The following CLTC variants were observed in gnomAD, a reference collection of about 807,000 sequenced individuals.
CLTC encodes clathrin heavy chain 1.
Under a neutral mutation model 195.8 loss-of-function variants are expected in CLTC, and 16 were observed. That is an observed-to-expected ratio of 0.08 (90% CI 0.06 to 0.12). The LOEUF (loss-of-function observed/expected upper bound fraction) is 0.12, where lower values mean the gene tolerates loss of function less well. Ranked by LOEUF, CLTC falls within the 10% of genes least tolerant of loss-of-function variation. The probability of loss-of-function intolerance (pLI) is 1.00; values close to 1 mark genes in which losing one functional copy is unlikely to be tolerated. For missense variants in CLTC, 796 were observed against 2,027.0 expected, an observed-to-expected ratio of 0.39 and a Z score of 11.66; for synonymous variants, 667 against 689.4, an observed-to-expected ratio of 0.97 and a Z score of 0.51.
At chr17:59,632,367 CAAAAAA>C (rs11449653) in intron 1 of CLTC, among the ~76,000 whole-genome samples, 1 of 111,548 alleles carries the variant, frequency 9.0e-6, no homozygotes, top group Non-Finnish European at 1.7e-5. Context: ...GAATCCATCT[CAAAAAA>C]AAAAAAAAAA....
rs755036908 is a variant in CLTC at position 59,693,380 on chromosome 17, TA to T, written c.4904-343del. Among the ~76,000 whole-genome samples the T allele has an allele frequency of 7.0e-3, 739 of 106,150 alleles. 7 individuals carry two copies. Among genetic ancestry groups the T allele is most frequent in the African/African-American group, 0.021 (656 of 31,222 alleles). The allele number at this position is 106,150 out of a possible 152,430, so 69.6% of individuals were successfully genotyped here. Reference sequence around the variant, plus strand: ...AGATTCTTTTTTTTTTTTTTTTTTTTAAAAAGTCTTTTAAAAAATTCTTTTA... The same window carrying T: ...AGATTCTTTTTTTTTTTTTTTTTTTTAAAAGTCTTTTAAAAAATTCTTTTA... On this transcript the variant is annotated intron_variant, in intron 31 of 31. Coordinates refer to ENST00000269122, the MANE Select transcript of CLTC (RefSeq NM_004859.4).
intron 1 of CLTC, among the ~76,000 whole-genome samples, chr17:59,630,587 C>G (rs1037112012): frequency 6.6e-6 from 1 of 152,170 alleles, no homozygotes; most frequent in African/African-American, 2.4e-5. Context: ...TCCCCCTCCT[C>G]CCATCCGCTA....
At chr17:59,643,027 G>A (rs2032082087) in intron 1 of CLTC, among the ~76,000 whole-genome samples, 1 of 152,040 alleles carries the variant, frequency 6.6e-6, no homozygotes, top group Non-Finnish European at 1.5e-5. Context: ...TAGTCCATAA[G>A]ATAATAGTGA....
chr17:59,628,453 C>T (rs546928262), intron 1 of CLTC, among the ~76,000 whole-genome samples: 1 of 152,222 alleles, frequency 6.6e-6, no homozygotes, highest in African/African-American at 2.4e-5. Context: ...TCCCTTTGTC[C>T]ACTTGAGTTG....
chr17:59,639,447 A>T (rs1192059344), intron 1 of CLTC, among the ~76,000 whole-genome samples: 2 of 152,186 alleles, frequency 1.3e-5, no homozygotes, highest in Non-Finnish European at 2.9e-5. Flanking sequence ...AAGTTAAAAA[A>T]AACTTTATCA....
At position 59,681,448 on chromosome 17, in the gene CLTC, G is replaced by A; in HGVS notation, c.3219G>A (p.Arg1073=). 6.2e-7 allele frequency: 1 copy of A among 1,613,986 alleles called. No individual in the cohort carries two copies. The highest frequency in any genetic ancestry group is 8.5e-7 in the Non-Finnish European group (1 of 1,179,960). ...ELFEEAFAIF[R]KFDVNTSAVQ... ...TTGAAGAAGCATTTGCCATTTTCCG[G>A]AAATTTGATGTCAATACTTCAGCAG... Residue 1073 remains arginine, a synonymous_variant, in exon 20 of 32, where the codon CGG becomes CGA. Coordinates refer to ENST00000269122, the MANE Select transcript of CLTC (RefSeq NM_004859.4). This position sits in a 1 kb window ranked among gnomAD's most constrained non-coding sequence, Gnocchi z 5.0.
In CLTC at chr17:59,683,809, T is replaced by G. The variant is rs2033123580; in HGVS notation, c.4323+53T>G. 1 of 1,612,928 alleles carries G rather than the reference T, an allele frequency of 6.2e-7. No individual in the cohort carries two copies. The highest frequency in any genetic ancestry group is 1.1e-5 in the South Asian group (1 of 91,046). On this transcript the variant is annotated intron_variant, in intron 27 of 31. Coordinates refer to ENST00000269122, the MANE Select transcript of CLTC (RefSeq NM_004859.4). This position sits in a 1 kb window ranked among gnomAD's most constrained non-coding sequence, Gnocchi z 6.1. ...TCATAGCAAGGAATTAGGACATACT[T>G]CGATAACTTTTGTCCCTGGGACTTC...
chr17:59,694,130 A>T lies in CLTC; in HGVS notation c.*278A>T, dbSNP rs1327936198. 7 of 283,836 alleles carry T rather than the reference A, an allele frequency of 2.5e-5. No individual in the cohort carries two copies. Among genetic ancestry groups the T allele is most frequent in the African/African-American group, 1.3e-4 (6 of 45,966 alleles). The allele number at this position is 283,836 out of a possible 1,614,324, so 17.6% of individuals were successfully genotyped here. Reference sequence around the variant, plus strand: ...CCCTCTTTCTTTAAAGAACTGCTCAATATTCAATCTGTTGTGAAGAACCTG... The same window carrying T: ...CCCTCTTTCTTTAAAGAACTGCTCATTATTCAATCTGTTGTGAAGAACCTG... On this transcript the variant is annotated 3_prime_UTR_variant, in exon 32 of 32. Transcript: ENST00000269122.
intron 2 of CLTC, 128 bp from the exon 3 acceptor site, chr17:59,647,269 CT>C: frequency 1.4e-6 from 1 of 695,512 alleles, no homozygotes; most frequent in East Asian, 2.7e-5. Flanking sequence ...TTAATGGTTG[CT>C]GCTGTATCGA....
intron 1 of CLTC, among the ~76,000 whole-genome samples, chr17:59,640,458 G>A (rs2031995055): frequency 2.6e-5 from 4 of 151,804 alleles, no homozygotes; most frequent in Admixed American, 2.6e-4. Context: ...GTGCAGTAGG[G>A]CGGTCTTGGC....
intron 1 of CLTC, among the ~76,000 whole-genome samples, chr17:59,620,385 A>T (rs547030445): frequency 2.6e-5 from 4 of 152,156 alleles, no homozygotes; most frequent in South Asian, 4.1e-4. Flanking sequence ...GGGTGCAAAG[A>T]GCTGCAAGGA....
intron 6 of CLTC, among the ~76,000 whole-genome samples, chr17:59,657,087 TA>T (rs1282949553): frequency 6.6e-6 from 1 of 152,188 alleles, no homozygotes; most frequent in East Asian, 1.9e-4. Context: ...TCTTCCAAAT[TA>T]GTATTTTTCC....
intron 1 of CLTC, among the ~76,000 whole-genome samples, chr17:59,638,906 CCT>C (rs2031949415): frequency 6.6e-6 from 1 of 152,258 alleles, no homozygotes; most frequent in South Asian, 2.1e-4. Flanking sequence ...CCCACCTCCC[CCT>C]GTTAATAGAA....
intron 30 of CLTC, chr17:59,689,791 A>G (rs1313337684): frequency 6.6e-6 from 1 of 152,228 alleles, no homozygotes; most frequent in Non-Finnish European, 1.5e-5. Context: ...GAAACTGCAG[A>G]TCATTTTGTT....
At chr17:59,640,482 C>T (rs760665596) in intron 1 of CLTC, among the ~76,000 whole-genome samples, 30 of 151,866 alleles carry the variant, frequency 2.0e-4, no homozygotes, top group Non-Finnish European at 4.3e-4. Flanking sequence ...CTGCAACCTC[C>T]GCCTCCCGGG....
At chr17:59,644,751 C>G (rs1285344186) in intron 2 of CLTC, among the ~76,000 whole-genome samples, 1 of 152,052 alleles carries the variant, frequency 6.6e-6, no homozygotes, top group African/African-American at 2.4e-5. Context: ...TGGGGTTTCA[C>G]TATGTTGGCC....
rs200459221 is a variant in CLTC at position 59,620,458 on chromosome 17, ACT to A, written c.42+291_42+292del. ...TGGATGGCCAGAACTGCGCGTACAA[ACT>A]CTCTCCCCATTTTATTCATTTCATT... On this transcript the variant is annotated intron_variant, in intron 1 of 31. Transcript: ENST00000269122. 3.8e-3 allele frequency among the ~76,000 whole-genome samples: 577 copies of A among 151,580 alleles called. 7 individuals are homozygous for A. Among genetic ancestry groups the A allele is most frequent in the African/African-American group, 0.013 (551 of 41,302 alleles).
intron 31 of CLTC, among the ~76,000 whole-genome samples, chr17:59,691,116 C>CAGAGAACTGGGT (rs1186294219): frequency 6.6e-6 from 1 of 152,134 alleles, no homozygotes; most frequent in East Asian, 1.9e-4. Flanking sequence ...CTAACTGGGG[C>CAGAGAACTGGGT]AGAGAACTGG....
chr17:59,665,006 C>T, intron 10 of CLTC, 97 bp downstream of exon 10: 1 of 1,477,016 alleles, frequency 6.8e-7, no homozygotes, highest in Non-Finnish European at 9.1e-7. Context: ...GGGAGTATTG[C>T]TTGAGGCCAA....
Sources: allele counts gnomAD v4.1 joint callset (sites outside exome capture counted in the v4.1 genomes callset), GRCh38; gene constraint gnomAD v4.1.1; non-coding constraint Gnocchi (gnomAD v3.1); transcripts MANE v1.5; gene names NCBI Gene and HGNC (gene_info 2026-07-23, HGNC 2026-07-21).